The following GMFG variants were observed in gnomAD, a reference collection of about 807,000 sequenced individuals.
The protein encoded by GMFG is glia maturation factor gamma.
GMFG carries 21 observed loss-of-function variants against 26.1 expected under a neutral mutation model. The observed-to-expected ratio is 0.80, with a 90% CI of 0.57 to 1.16. GMFG has a LOEUF of 1.16. GMFG is among the 50% of genes most tolerant of loss of function. GMFG has a pLI of 0.00. For synonymous variants in GMFG, 65 were observed against 60.8 expected (o/e 1.07, Z -0.32); for missense variants, 161 against 178.3 (o/e 0.90, Z 0.55).
At chr19:39,329,501 G>C (rs771921863) in intron 5 of GMFG, 43 bp downstream of exon 5, 4 of 1,136,298 alleles carry the variant, frequency 3.5e-6, no homozygotes, top group Non-Finnish European at 5.3e-6. Flanking sequence ...CACACACACA[G>C]AATCGAAGAC....
At chr19:39,328,716 T>C (rs1045679223) in intron 6 of GMFG, 168 bp from the exon 7 acceptor site, 1 of 614,980 alleles carries the variant, frequency 1.6e-6, no homozygotes, top group South Asian at 1.9e-5. Flanking sequence ...CTGACTCTAC[T>C]AAAAATACAA....
chr19:39,333,991 C>CTTTTTTTT (rs752249412), intron 3 of GMFG, among the ~76,000 whole-genome samples: 1 of 128,978 alleles, frequency 7.8e-6, no homozygotes, highest in African/African-American at 2.8e-5. Context: ...GGTCTACCCC[C>CTTTTTTTT]TTTTTTTTTT....
intron 4 of GMFG, among the ~76,000 whole-genome samples, chr19:39,332,656 CTTT>C (rs59277772): frequency 9.0e-6 from 1 of 111,294 alleles, no homozygotes; most frequent in Non-Finnish European, 1.7e-5. Context: ...CACAGAGATT[CTTT>C]TTTTTTTTTT....
intron 6 of GMFG, 182 bp from the exon 7 acceptor site, chr19:39,328,730 G>C: frequency 1.6e-6 from 1 of 608,134 alleles, no homozygotes; most frequent in Non-Finnish European, 2.9e-6. Context: ...AATACAAAAA[G>C]TAGCCAGGTG....
intron 4 of GMFG, among the ~76,000 whole-genome samples, chr19:39,331,923 G>A (rs1020957738): frequency 2.6e-5 from 4 of 152,004 alleles, no homozygotes; most frequent in African/African-American, 9.7e-5. Context: ...GTACAGGGGT[G>A]CTATCTTGGC....
Position 39,328,554 on chromosome 19 carries a change from CAG to C in GMFG, c.358-8_358-7del, listed in dbSNP as rs746393225. Reference sequence around the variant, plus strand: ...GTGGTGCGGATTTCGAACACCTGGGCAGAGAGAGGTCTCGGCATTATGATCTA... The same window carrying C: ...GTGGTGCGGATTTCGAACACCTGGGCAGAGAGGTCTCGGCATTATGATCTA... On this transcript the variant is annotated splice_polypyrimidine_tract_variant and splice_region_variant and intron_variant, in intron 6 of 6. Coordinates refer to ENST00000597595, the MANE Select transcript of GMFG (RefSeq NM_004877.4). 2.4e-5 allele frequency: 38 copies of C among 1,606,096 alleles called. No homozygotes were observed. In the African/African-American group the frequency reaches 3.7e-4, roughly 16 times the overall value.
At chr19:39,334,831 A>C (rs1000257006) in intron 3 of GMFG, among the ~76,000 whole-genome samples, 1 of 152,038 alleles carries the variant, frequency 6.6e-6, no homozygotes, top group Non-Finnish European at 1.5e-5. Flanking sequence ...CTTGATCTCC[A>C]GGGTTTTTTG....
At chr19:39,331,137 G>C (rs2075224724) in intron 4 of GMFG, among the ~76,000 whole-genome samples, 1 of 152,138 alleles carries the variant, frequency 6.6e-6, no homozygotes, top group Admixed American at 6.6e-5. Context: ...TAACTTGTCA[G>C]GCAAGGGGTG....
intron 3 of GMFG, among the ~76,000 whole-genome samples, chr19:39,333,880 C>G (rs954198997): frequency 5.3e-5 from 8 of 152,186 alleles, no homozygotes; most frequent in Middle Eastern, 3.4e-3. Context: ...AGCCCCCAGT[C>G]TCCATGGATT....
intron 6 of GMFG, 161 bp from the exon 7 acceptor site, chr19:39,328,709 A>G (rs1353553724): frequency 1.6e-6 from 1 of 619,166 alleles, no homozygotes; most frequent in Admixed American, 2.7e-5. Context: ...TGAAACCCTG[A>G]CTCTACTAAA....
At chr19:39,331,101 G>A (rs2075224601) in intron 4 of GMFG, among the ~76,000 whole-genome samples, 1 of 152,186 alleles carries the variant, frequency 6.6e-6, no homozygotes. Context: ...CGCAGGCAGA[G>A]TGCAGATGCT....
chr19:39,335,343 T>C, intron 2 of GMFG, 33 bp from the exon 3 acceptor site: 1 of 1,593,702 alleles, frequency 6.3e-7, no homozygotes. Flanking sequence ...GATTAGACAC[T>C]CCCCCTGATC....
intron 4 of GMFG, among the ~76,000 whole-genome samples, chr19:39,329,975 A>G (rs748307699): frequency 1.3e-5 from 2 of 152,086 alleles, no homozygotes; most frequent in Non-Finnish European, 2.9e-5. Context: ...GCTAGTCAGG[A>G]GGCTGAGGCA....
At chr19:39,330,463 C>T (rs531335682) in intron 4 of GMFG, among the ~76,000 whole-genome samples, 12 of 152,190 alleles carry the variant, frequency 7.9e-5, no homozygotes, top group East Asian at 7.7e-4. Context: ...GGGCCTCACT[C>T]TGTTGCCCAG....
chr19:39,334,509 C>T (rs2075240999), intron 3 of GMFG, among the ~76,000 whole-genome samples: 1 of 151,510 alleles, frequency 6.6e-6, no homozygotes, highest in Non-Finnish European at 1.5e-5. Context: ...CTCAAGTGAT[C>T]CTCCTGCCTC....
At chr19:39,334,007 GA>G (rs2075238140) in intron 3 of GMFG, among the ~76,000 whole-genome samples, 1 of 143,110 alleles carries the variant, frequency 7.0e-6, no homozygotes. Flanking sequence ...TTTTTTTGTA[GA>G]GATGGAGTCT....
Position 39,328,509 on chromosome 19 carries a change from A to G in GMFG, c.397T>C (p.Trp133Arg). The G allele has an allele frequency of 6.2e-7, 1 of 1,613,414 alleles. No individual in the cohort carries two copies. The highest frequency in any genetic ancestry group is 8.5e-7 in the Non-Finnish European group (1 of 1,179,350). The change falls in exon 7 of 7, where the codon TGG becomes CGG. Residue 133 changes from tryptophan to arginine, a missense_variant. Coordinates refer to ENST00000597595, the MANE Select transcript of GMFG (RefSeq NM_004877.4). ...AAGAAAGACAACTTTTCTTGGAGCCAGGCCTCAGTGAGGTCATCAGTGGTG... is the reference window on the plus strand; with the variant it reads ...AAGAAAGACAACTTTTCTTGGAGCCGGGCCTCAGTGAGGTCATCAGTGGTG... ...IRTTDDLTEA[W>R]LQEKLSFFR
chr19:39,333,991 CT>C (rs752249412), intron 3 of GMFG, among the ~76,000 whole-genome samples: 2,030 of 128,764 alleles, frequency 0.016, 11 homozygotes, highest in Non-Finnish European at 0.022. Context: ...GGTCTACCCC[CT>C]TTTTTTTTTT....
At chr19:39,335,220 T>C (rs775956817) in intron 3 of GMFG, 41 bp downstream of exon 3, 12 of 1,479,160 alleles carry the variant, frequency 8.1e-6, no homozygotes, top group Admixed American at 6.5e-5. Flanking sequence ...TCTCCCAGTC[T>C]CACCCTGTAC....
Sources: gnomAD v4.1 joint callset for allele counts (sites outside exome capture counted in the v4.1 genomes callset) on GRCh38, gnomAD v4.1.1 for gene constraint, MANE v1.5 for transcripts, NCBI Gene and HGNC (gene_info 2026-07-23, HGNC 2026-07-21) for gene names.